CCDC102B: variants seen among roughly 807,000 people sequenced by gnomAD.
The protein encoded by CCDC102B is coiled-coil domain-containing protein 102B.
In CCDC102B, 75 loss-of-function variants were observed where a neutral mutation model predicts 57.4. That is an observed-to-expected ratio of 1.31 (90% CI 1.08 to 1.58). The LOEUF is 1.58. Among genes scored for constraint, CCDC102B ranks in the 40% most tolerant of loss-of-function variants. CCDC102B has a pLI of 0.00. For synonymous variants in CCDC102B, 206 were observed against 201.9 expected (o/e 1.02, Z -0.17); for missense variants, 636 against 582.6 (o/e 1.09, Z -0.94).
intron 6 of CCDC102B, among the ~76,000 whole-genome samples, chr18:68,968,654 T>A (rs976218585): frequency 2.0e-5 from 3 of 152,166 alleles, no homozygotes; most frequent in African/African-American, 4.8e-5. Context: ...TGGAACTGAT[T>A]CATCTTGTAT....
intron 5 of CCDC102B, among the ~76,000 whole-genome samples, chr18:68,889,507 C>T (rs1359308251): frequency 6.6e-6 from 1 of 152,178 alleles, no homozygotes; most frequent in Non-Finnish European, 1.5e-5. Flanking sequence ...GCAACCTCCG[C>T]CTCCTGGGTT....
chr18:68,971,592 A>G (rs1171114536), intron 6 of CCDC102B, among the ~76,000 whole-genome samples: 1 of 152,158 alleles, frequency 6.6e-6, no homozygotes, highest in African/African-American at 2.4e-5. Context: ...GGGAAAGGGA[A>G]ATCACAAGAT....
intron 6 of CCDC102B, among the ~76,000 whole-genome samples, chr18:68,911,469 A>T (rs1047022941): frequency 1.3e-5 from 2 of 151,920 alleles, no homozygotes; most frequent in Non-Finnish European, 2.9e-5. Context: ...AAGATCAGAA[A>T]AGGCCGGGCG....
chr18:68,744,810 T>A (rs903736039), intron 2 of CCDC102B, among the ~76,000 whole-genome samples: 7 of 152,194 alleles, frequency 4.6e-5, no homozygotes, highest in African/African-American at 1.7e-4. Flanking sequence ...AAAGTTATTG[T>A]ACATCACTAT....
chr18:69,008,442 A>G (rs1022645019), intron 6 of CCDC102B, among the ~76,000 whole-genome samples: 19 of 152,288 alleles, frequency 1.2e-4, no homozygotes, highest in Admixed American at 1.2e-3. Flanking sequence ...GTCTGTTTCC[A>G]GCTGCCTGTT....
chr18:68,761,055 A>C (rs2034238816), intron 2 of CCDC102B, among the ~76,000 whole-genome samples: 1 of 152,002 alleles, frequency 6.6e-6, no homozygotes, highest in African/African-American at 2.4e-5. Flanking sequence ...GAATCCTCTA[A>C]ATGGAGGGAG....
At chr18:68,963,153 G>A (rs1251761066) in intron 6 of CCDC102B, among the ~76,000 whole-genome samples, 3 of 151,954 alleles carry the variant, frequency 2.0e-5, no homozygotes, top group Non-Finnish European at 4.4e-5. Flanking sequence ...TGAGTAGCAA[G>A]ACCATAATAG....
At chr18:68,732,590 GC>G (rs2032930723) in intron 2 of CCDC102B, among the ~76,000 whole-genome samples, 1 of 151,774 alleles carries the variant, frequency 6.6e-6, no homozygotes, top group African/African-American at 2.4e-5. Context: ...CAGGCGATCT[GC>G]CTGCCTCAGC....
chr18:69,010,032 C>T (rs1168062745), intron 6 of CCDC102B, among the ~76,000 whole-genome samples: 3 of 142,208 alleles, frequency 2.1e-5, no homozygotes, highest in African/African-American at 7.7e-5. Context: ...CCCGGGTTCA[C>T]GCCATTTTCC....
chr18:68,765,380 A>AGAAAG (rs201945991), intron 2 of CCDC102B, among the ~76,000 whole-genome samples: 18 of 144,666 alleles, frequency 1.2e-4, no homozygotes, highest in African/African-American at 4.8e-4. Context: ...AAAGAAAGAA[A>AGAAAG]AGAAAGAAAG....
At chr18:68,910,553 G>A (rs986329636) in intron 6 of CCDC102B, among the ~76,000 whole-genome samples, 1 of 152,098 alleles carries the variant, frequency 6.6e-6, no homozygotes, top group Non-Finnish European at 1.5e-5. Flanking sequence ...AACTCCCTGG[G>A]CCAGGAGGAG....
chr18:68,721,460 G>A (rs1193956332), intron 2 of CCDC102B: 1 of 151,952 alleles, frequency 6.6e-6, no homozygotes, highest in Non-Finnish European at 1.5e-5. Flanking sequence ...GATATCAGTG[G>A]AATAATACAG....
At chr18:68,767,158 T>C (rs2034496336) in intron 2 of CCDC102B, among the ~76,000 whole-genome samples, 1 of 152,206 alleles carries the variant, frequency 6.6e-6, no homozygotes, top group Non-Finnish European at 1.5e-5. Flanking sequence ...TGTTTCTGCT[T>C]TGCTGTTAAT....
At chr18:68,949,156 G>T (rs937388434) in intron 6 of CCDC102B, among the ~76,000 whole-genome samples, 4 of 152,086 alleles carry the variant, frequency 2.6e-5, no homozygotes, top group Admixed American at 1.3e-4. Context: ...CAGATTGAGG[G>T]TGGGTCTGCC....
chr18:68,793,513 ATCTT>A (rs954838867), upstream of CCDC102B, among the ~76,000 whole-genome samples: 15 of 152,174 alleles, frequency 9.9e-5, no homozygotes, highest in Non-Finnish European at 1.9e-4. Context: ...TTGATAGTAT[ATCTT>A]TCTAATTTAC....
chr18:68,945,119 T>A (rs367657118), intron 6 of CCDC102B, among the ~76,000 whole-genome samples: 6 of 44,188 alleles, frequency 1.4e-4, no homozygotes, highest in African/African-American at 1.8e-4. Context: ...TGTCTCTCTC[T>A]CTCCACACAC....
intron 7 of CCDC102B, among the ~76,000 whole-genome samples, chr18:69,046,244 G>A (rs2052563524): frequency 6.6e-6 from 1 of 152,062 alleles, no homozygotes; most frequent in Admixed American, 6.6e-5. Context: ...CCTATCCTCT[G>A]CAACCTCGCC....
At chr18:69,013,626 G>A (rs574460110) in intron 7 of CCDC102B, among the ~76,000 whole-genome samples, 1 of 152,328 alleles carries the variant, frequency 6.6e-6, no homozygotes, top group African/African-American at 2.4e-5. Flanking sequence ...TTAGTTTCCT[G>A]TAATACACTG....
chr18:69,042,141 T>C (rs760020954), intron 7 of CCDC102B, among the ~76,000 whole-genome samples: 17 of 152,120 alleles, frequency 1.1e-4, no homozygotes, highest in Middle Eastern at 3.4e-3. Context: ...AGGAGCAGCA[T>C]GGAAAAACTG....
Sources: gnomAD v4.1 joint callset for allele counts (sites outside exome capture counted in the v4.1 genomes callset) on GRCh38, gnomAD v4.1.1 for gene constraint, MANE v1.5 for transcripts, NCBI Gene and HGNC (gene_info 2026-07-23, HGNC 2026-07-21) for gene names.